Variants in MEOX2 observed in about 807,000 individuals in gnomAD.
The protein encoded by MEOX2 is homeobox protein MOX-2.
MEOX2 carries 11 observed loss-of-function variants against 27.0 expected under a neutral mutation model. That is an observed-to-expected ratio of 0.41 (90% CI 0.26 to 0.68). The LOEUF (loss-of-function observed/expected upper bound fraction) is 0.68. Among genes scored for constraint, MEOX2 ranks in the 30% least tolerant of loss-of-function variants. The pLI is 0.33. For synonymous variants in MEOX2, 189 were observed against 155.4 expected (o/e 1.22, Z -1.61); for missense variants, 436 against 385.4 (o/e 1.13, Z -1.10).
intron 1 of MEOX2, among the ~76,000 whole-genome samples, chr7:15,660,542 C>G (rs1002080863): frequency 3.3e-5 from 5 of 152,252 alleles, no homozygotes; most frequent in Admixed American, 3.3e-4. Context: ...TCCCTAATCA[C>G]TAGATGCCAG....
At chr7:15,671,304 GT>G (rs1782092701) in intron 1 of MEOX2, among the ~76,000 whole-genome samples, 1 of 152,142 alleles carries the variant, frequency 6.6e-6, no homozygotes. Flanking sequence ...ACAGTAATCT[GT>G]TCTTATGAAC....
chr7:15,619,552 A>T (rs1781183318), intron 2 of MEOX2, among the ~76,000 whole-genome samples: 1 of 151,996 alleles, frequency 6.6e-6, no homozygotes, highest in Admixed American at 6.6e-5. Flanking sequence ...AGCAAATTTC[A>T]GTAAAATCTC....
chr7:15,657,418 A>G (rs534383424), intron 1 of MEOX2, among the ~76,000 whole-genome samples: 1 of 152,132 alleles, frequency 6.6e-6, no homozygotes, highest in South Asian at 2.1e-4. Flanking sequence ...GATAATTTCT[A>G]TGGTTCCATC....
chr7:15,659,045 G>A (rs1012461737), intron 1 of MEOX2, among the ~76,000 whole-genome samples: 1 of 152,072 alleles, frequency 6.6e-6, no homozygotes, highest in Non-Finnish European at 1.5e-5. Flanking sequence ...TGGCACCCAG[G>A]GTGGAGTGCA....
At position 15,631,467 on chromosome 7, in the gene MEOX2, C is replaced by A. The variant is rs377018842; in HGVS notation, c.518-4549G>T. On this transcript the variant is annotated intron_variant, in intron 1 of 2. Transcript: ENST00000262041. The stretch of plus-strand genomic sequence containing the variant: ...TGAACAAATAATTTATAGAGGATAT[C>A]CTATTTATTCCTGTTAAAGGCATTT... Among the ~76,000 whole-genome samples the A allele has an allele frequency of 2.6e-5, 4 of 151,626 alleles. No homozygotes were observed. In the East Asian group the frequency reaches 7.7e-4, roughly 29 times the overall value.
At chr7:15,643,499 G>C (rs1781594951) in intron 1 of MEOX2, among the ~76,000 whole-genome samples, 1 of 152,132 alleles carries the variant, frequency 6.6e-6, no homozygotes, top group African/African-American at 2.4e-5. Context: ...GGGTGGGGGA[G>C]GGGGCTGCGG....
intron 2 of MEOX2, among the ~76,000 whole-genome samples, chr7:15,623,730 A>G (rs948622220): frequency 3.3e-5 from 5 of 152,254 alleles, no homozygotes; most frequent in Non-Finnish European, 7.3e-5. Context: ...ACTTAAGATA[A>G]TATGTGTGCA....
intron 1 of MEOX2, among the ~76,000 whole-genome samples, chr7:15,640,465 A>G (rs1781542137): frequency 6.6e-6 from 1 of 152,166 alleles, no homozygotes; most frequent in Non-Finnish European, 1.5e-5. Flanking sequence ...AGATCATGAC[A>G]TCAGTAAACA....
At chr7:15,635,240 T>C (rs1781461868) in intron 1 of MEOX2, among the ~76,000 whole-genome samples, 1 of 151,990 alleles carries the variant, frequency 6.6e-6, no homozygotes, top group Admixed American at 6.6e-5. Context: ...TAAGTGTCAT[T>C]CAGCTTCAGA....
At chr7:15,651,738 G>T (rs927894412) in intron 1 of MEOX2, among the ~76,000 whole-genome samples, 5 of 151,784 alleles carry the variant, frequency 3.3e-5, no homozygotes, top group Admixed American at 3.3e-4. Context: ...TGAATTCATA[G>T]TAAGAAAGAC....
intron 2 of MEOX2, among the ~76,000 whole-genome samples, chr7:15,614,809 T>C (rs1338395239): frequency 1.3e-5 from 2 of 152,170 alleles, no homozygotes; most frequent in Non-Finnish European, 2.9e-5. Flanking sequence ...TTTCAATTTC[T>C]GTAAATAGTG....
At chr7:15,678,029 C>A (rs933614749) in intron 1 of MEOX2, among the ~76,000 whole-genome samples, 3 of 152,130 alleles carry the variant, frequency 2.0e-5, no homozygotes, top group Non-Finnish European at 4.4e-5. Context: ...TGGACATTCA[C>A]AAGACTGTAA....
chr7:15,649,438 G>C (rs184230695), intron 1 of MEOX2, among the ~76,000 whole-genome samples: 10 of 152,116 alleles, frequency 6.6e-5, no homozygotes, highest in African/African-American at 2.2e-4. Flanking sequence ...GATGATGAAA[G>C]ATGGAAAAAT....
Position 15,656,244 on chromosome 7 carries a change from G to A in MEOX2, c.518-29326C>T, listed in dbSNP as rs543081036. ...TTGCTCCCAACCTAGATTTATGATT[G>A]TATTTAGAGTGAGTTTCTTGTACAC... On this transcript the variant is annotated intron_variant, in intron 1 of 2. Coordinates refer to ENST00000262041, the MANE Select transcript of MEOX2 (RefSeq NM_005924.5). 4.6e-5 allele frequency among the ~76,000 whole-genome samples: 7 copies of A among 151,486 alleles called. No homozygotes were observed. In the East Asian group the frequency reaches 1.4e-3, roughly 29 times the overall value.
At chr7:15,672,618 C>T (rs1465918311) in intron 1 of MEOX2, among the ~76,000 whole-genome samples, 4 of 152,000 alleles carry the variant, frequency 2.6e-5, no homozygotes, top group East Asian at 1.9e-4. Flanking sequence ...TTGGGCAGGT[C>T]GCGGTGGCTC....
At chr7:15,682,345 G>T (rs147441617) in intron 1 of MEOX2, among the ~76,000 whole-genome samples, 1 of 151,666 alleles carries the variant, frequency 6.6e-6, no homozygotes. Flanking sequence ...GGTTGATAAG[G>T]TATTACTCTG....
chr7:15,624,896 C>G (rs573600302), intron 2 of MEOX2, among the ~76,000 whole-genome samples: 1 of 152,016 alleles, frequency 6.6e-6, no homozygotes, highest in African/African-American at 2.4e-5. Flanking sequence ...AATTCTTTAC[C>G]AAGCTCCTGA....
chr7:15,682,297 G>T (rs1369085302), intron 1 of MEOX2, among the ~76,000 whole-genome samples: 2 of 151,680 alleles, frequency 1.3e-5, no homozygotes, highest in Non-Finnish European at 3.0e-5. Flanking sequence ...CACAATGATT[G>T]AAATATCTTG....
chr7:15,666,780 ATATATAT>A (rs1239058873), intron 1 of MEOX2, among the ~76,000 whole-genome samples: 9 of 21,768 alleles, frequency 4.1e-4, no homozygotes, highest in African/African-American at 1.3e-3. Context: ...AAAAAAAAAA[ATATATAT>A]ATATATATAT....
Sources: gnomAD v4.1 joint callset for allele counts (sites outside exome capture counted in the v4.1 genomes callset) on GRCh38, gnomAD v4.1.1 for gene constraint, MANE v1.5 for transcripts, NCBI Gene and HGNC (gene_info 2026-07-23, HGNC 2026-07-21) for gene names.